The following FRMD4A variants were observed in gnomAD, a reference collection of about 807,000 sequenced individuals.
FRMD4A encodes FERM domain-containing protein 4A.
In FRMD4A, 29 loss-of-function variants were observed where a neutral mutation model predicts 129.1. That is an observed-to-expected ratio of 0.22 (90% confidence interval 0.17 to 0.31). The LOEUF (loss-of-function observed/expected upper bound fraction) is 0.31. Ranked by LOEUF, FRMD4A falls within the 10% of genes least tolerant of loss-of-function variation. The pLI is 1.00. For synonymous variants in FRMD4A, 634 were observed against 571.6 expected, an observed-to-expected ratio of 1.11 and a Z score of -1.56; for missense variants, 1,272 against 1,375.8, an observed-to-expected ratio of 0.92 and a Z score of 1.19.
At chr10:13,717,697 T>TTG (rs1363019425) in intron 12 of FRMD4A, among the ~76,000 whole-genome samples, 2 of 140,334 alleles carry the variant, frequency 1.4e-5, no homozygotes, top group African/African-American at 5.5e-5. Context: ...TTCTTGTTTT[T>TTG]TTTTTTTTTT....
chr10:13,784,202 GT>G (rs1446662717), intron 5 of FRMD4A, among the ~76,000 whole-genome samples: 2 of 152,180 alleles, frequency 1.3e-5, no homozygotes, highest in Non-Finnish European at 2.9e-5. Flanking sequence ...CTAGAATAGT[GT>G]TATAATCTGA....
intron 2 of FRMD4A, among the ~76,000 whole-genome samples, chr10:14,309,163 A>G (rs1045856374): frequency 1.3e-5 from 2 of 152,226 alleles, no homozygotes; most frequent in Non-Finnish European, 2.9e-5. Context: ...AAAATCGTAC[A>G]TGTAGACTGG....
At chr10:13,941,278 G>T (rs1007664555) in intron 2 of FRMD4A, among the ~76,000 whole-genome samples, 5 of 152,098 alleles carry the variant, frequency 3.3e-5, no homozygotes, top group Non-Finnish European at 7.4e-5. Context: ...AACCCCTTTT[G>T]CTTGGCTCCC....
intron 2 of FRMD4A, among the ~76,000 whole-genome samples, chr10:14,057,324 C>G (rs889825257): frequency 7.9e-5 from 12 of 152,330 alleles, no homozygotes; most frequent in Non-Finnish European, 1.6e-4. Context: ...GACTTCCCCC[C>G]CATTCAGCAT....
chr10:14,227,243 C>CTTTTTTTTTTTTTTTTTCTTTTTTTTTTT (rs1843472907), intron 2 of FRMD4A, among the ~76,000 whole-genome samples: 1 of 64,100 alleles, frequency 1.6e-5, no homozygotes, highest in African/African-American at 6.2e-5. Context: ...TCTTCTTCTT[C>CTTTTTTTTTTTTTTTTTCTTTTTTTTTTT]TTTTTTTTTT....
chr10:13,898,150 A>G (rs2094779725), intron 2 of FRMD4A, among the ~76,000 whole-genome samples: 1 of 152,104 alleles, frequency 6.6e-6, no homozygotes, highest in African/African-American at 2.4e-5. Flanking sequence ...AGGTGGACGG[A>G]TCACCTGAGG....
intron 2 of FRMD4A, among the ~76,000 whole-genome samples, chr10:14,070,569 C>T: frequency 6.6e-6 from 1 of 152,194 alleles, no homozygotes; most frequent in East Asian, 1.9e-4. Context: ...ATGGAATGAG[C>T]ACCTTCTGCT....
At chr10:13,911,648 G>A (rs1040165354) in intron 2 of FRMD4A, among the ~76,000 whole-genome samples, 15 of 152,066 alleles carry the variant, frequency 9.9e-5, no homozygotes, top group African/African-American at 4.8e-5. Context: ...TGCAACCTCC[G>A]CCTCCCGGGT....
chr10:14,156,121 T>C (rs1840584539), intron 2 of FRMD4A, among the ~76,000 whole-genome samples: 1 of 152,142 alleles, frequency 6.6e-6, no homozygotes, highest in Non-Finnish European at 1.5e-5. Context: ...GTTAAAAAAA[T>C]GGGAAATGTC....
intron 2 of FRMD4A, among the ~76,000 whole-genome samples, chr10:14,028,476 A>T (rs554781185): frequency 2.0e-5 from 3 of 152,182 alleles, no homozygotes; most frequent in Admixed American, 2.0e-4. Context: ...TGCCCTACCT[A>T]AGAAACATTA....
chr10:13,824,063 AAAT>A (rs1378044829), intron 3 of FRMD4A, among the ~76,000 whole-genome samples: 3 of 152,188 alleles, frequency 2.0e-5, no homozygotes, highest in Non-Finnish European at 1.5e-5. Context: ...GGGGGTTAAA[AAAT>A]AATAATATAT....
At chr10:13,765,110 T>G (rs369813435) in intron 6 of FRMD4A, among the ~76,000 whole-genome samples, 291 of 143,656 alleles carry the variant, frequency 2.0e-3, no homozygotes, top group East Asian at 0.012. Context: ...GATTTTTTTT[T>G]TTTGTTTTTT....
At position 13,709,066 on chromosome 10, in the gene FRMD4A, G is replaced by T. The variant is rs961936706; in HGVS notation, c.760-1953C>A. On this transcript the variant is annotated intron_variant, in intron 12 of 24. Transcript: ENST00000357447. ...CAACCTCTGCCTCTCGGGTTCAAGC[G>T]ATTCTTGTGCCTCAACCTTCCAAGT... 8.5e-5 allele frequency among the ~76,000 whole-genome samples: 13 copies of T among 152,220 alleles called. No homozygotes were observed. In the South Asian group the frequency reaches 1.9e-3, roughly 22 times the overall value.
chr10:14,031,735 C>T (rs527626076), intron 2 of FRMD4A, among the ~76,000 whole-genome samples: 1 of 151,944 alleles, frequency 6.6e-6, no homozygotes, highest in African/African-American at 2.4e-5. Flanking sequence ...CGACTACTAC[C>T]ATTGCATGTT....
intron 2 of FRMD4A, among the ~76,000 whole-genome samples, chr10:14,194,729 C>A (rs1016713620): frequency 6.6e-6 from 1 of 152,154 alleles, no homozygotes; most frequent in Non-Finnish European, 1.5e-5. Flanking sequence ...ATGGTTCTCT[C>A]TCTTTTATCT....
chr10:14,217,650 G>A (rs1295152479), intron 2 of FRMD4A, among the ~76,000 whole-genome samples: 3 of 152,068 alleles, frequency 2.0e-5, no homozygotes, highest in Non-Finnish European at 4.4e-5. Flanking sequence ...ATGAGGTGGT[G>A]GCCTAGTCAA....
chr10:13,843,892 C>T (rs1427708208), intron 3 of FRMD4A, among the ~76,000 whole-genome samples: 2 of 152,164 alleles, frequency 1.3e-5, no homozygotes, highest in African/African-American at 4.8e-5. Flanking sequence ...GCAGAGAGGA[C>T]ACAAGTCAAG....
chr10:14,138,440 G>A (rs369248236), intron 2 of FRMD4A, among the ~76,000 whole-genome samples: 57 of 152,268 alleles, frequency 3.7e-4, no homozygotes, highest in African/African-American at 1.2e-3. Context: ...ACTTCCTAAC[G>A]CGTTGGGATA....
At chr10:13,798,093 CTGAATATAGGAAAAGTAAAAAAAAAATAA>C in intron 4 of FRMD4A, among the ~76,000 whole-genome samples, 1 of 152,012 alleles carries the variant, frequency 6.6e-6, no homozygotes, top group African/African-American at 2.4e-5. Context: ...TTACCTTGCT[CTGAATATAGGAAAAGTAAAAAAAAAATAA>C]TGAAAGGGTT....
Sources: allele counts gnomAD v4.1 joint callset (sites outside exome capture counted in the v4.1 genomes callset), GRCh38; gene constraint gnomAD v4.1.1; transcripts MANE v1.5; gene names NCBI Gene and HGNC (gene_info 2026-07-23, HGNC 2026-07-21).